Variants in ZNF451 observed in about 807,000 individuals in gnomAD.
ZNF451 encodes zinc finger protein 451, also known as E3 SUMO-protein ligase ZNF451.
In ZNF451, 80 loss-of-function variants were observed where a neutral mutation model predicts 107.1. The observed-to-expected ratio is 0.75, with a 90% CI of 0.62 to 0.90. The LOEUF (loss-of-function observed/expected upper bound fraction) is 0.90. Ranked by LOEUF, ZNF451 falls within the 40% of genes least tolerant of loss-of-function variation. The probability of loss-of-function intolerance (pLI) is 0.00; values close to 1 mark genes in which losing one functional copy is unlikely to be tolerated. For synonymous variants in ZNF451, 362 were observed against 406.5 expected, an observed-to-expected ratio of 0.89 and a Z score of 1.32; for missense variants, 1,107 against 1,236.2, an observed-to-expected ratio of 0.90 and a Z score of 1.57.
intron 2 of ZNF451, among the ~76,000 whole-genome samples, chr6:57,097,945 T>A (rs949604704): frequency 2.7e-5 from 4 of 148,412 alleles, no homozygotes; most frequent in African/African-American, 9.8e-5. Flanking sequence ...ATCTTTTAAA[T>A]TTATTTTTAT....
intron 13 of ZNF451, chr6:57,154,409 G>T: frequency 2.5e-6 from 1 of 397,216 alleles, no homozygotes; most frequent in Non-Finnish European, 4.5e-6. Flanking sequence ...TTTTTAGAAA[G>T]CAGTGCGCTT....
chr6:57,154,432 C>A, intron 13 of ZNF451: 1 of 318,266 alleles, frequency 3.1e-6, no homozygotes, highest in Non-Finnish European at 5.7e-6. Flanking sequence ...AGGTGAAAAC[C>A]AGAAAGCAAT....
intron 14 of ZNF451, among the ~76,000 whole-genome samples, chr6:57,166,712 C>T (rs916626057): frequency 6.6e-6 from 1 of 152,120 alleles, no homozygotes; most frequent in Non-Finnish European, 1.5e-5. Flanking sequence ...GTGTTATGTA[C>T]TGTACATAAT....
rs780286444 is a variant in ZNF451, at chr6:57,133,696, GT to G, written c.575+511del. Among the ~76,000 whole-genome samples the G allele has an allele frequency of 2.6e-5, 4 of 152,096 alleles. No homozygotes were observed. In the East Asian group the frequency reaches 7.7e-4, roughly 29 times the overall value. ...TTTTTGTTTGTTTGTTTGTTTGTTT[GT>G]TTTTTTGAGACAGGATCTCACTCTG... is the stretch of plus-strand genomic sequence containing the variant. On this transcript the variant is annotated intron_variant, in intron 6 of 14. Coordinates refer to ENST00000370706, the MANE Select transcript of ZNF451 (RefSeq NM_001031623.3).
At chr6:57,090,678 T>C (rs1388056944) in intron 1 of ZNF451, 133 bp from the exon 2 acceptor site, 1 of 85,674 alleles carries the variant, frequency 1.2e-5, no homozygotes, top group Non-Finnish European at 1.9e-5. Context: ...CCGTTCCTAG[T>C]CGGGTTTCCG....
chr6:57,161,480 G>A (rs1763671540), intron 14 of ZNF451, among the ~76,000 whole-genome samples: 1 of 151,868 alleles, frequency 6.6e-6, no homozygotes, highest in South Asian at 2.1e-4. Context: ...AGACAGTAGA[G>A]CCCCTCCACC....
At chr6:57,161,363 C>T (rs554954152) in intron 14 of ZNF451, among the ~76,000 whole-genome samples, 2 of 152,104 alleles carry the variant, frequency 1.3e-5, no homozygotes, top group South Asian at 2.1e-4. Flanking sequence ...AATTATGGCC[C>T]TTGGGTCAAA....
chr6:57,141,687 AT>A (rs1831771402), intron 8 of ZNF451, among the ~76,000 whole-genome samples: 1 of 152,208 alleles, frequency 6.6e-6, no homozygotes, highest in Non-Finnish European at 1.5e-5. Context: ...GCAAATATTT[AT>A]TCAGGATAAT....
intron 7 of ZNF451, 45 bp from the exon 8 acceptor site, chr6:57,141,257 T>G: frequency 6.9e-7 from 1 of 1,439,118 alleles, no homozygotes; most frequent in Non-Finnish European, 9.3e-7. Flanking sequence ...AGAACTTGAG[T>G]GTTTATTTTA....
Position 57,106,007 on chromosome 6 carries a change from G to A in ZNF451, c.186+6866G>A, listed in dbSNP as rs760038985. On this transcript the variant is annotated intron_variant, in intron 3 of 14. Transcript: ENST00000370706. ...TAAACTCTTTCAGGCTACTTGGACAGTATTTAGTATTCTATATTAGTACTA... is the reference window on the plus strand; with the variant it reads ...TAAACTCTTTCAGGCTACTTGGACAATATTTAGTATTCTATATTAGTACTA... 80 of 981,702 alleles carry A rather than the reference G, an allele frequency of 8.1e-5. 1 individual carries two copies. The highest frequency in any genetic ancestry group is 1.9e-5 in the Non-Finnish European group (16 of 826,808). 60.8% of individuals were successfully genotyped at this position (981,702 alleles called of 1,614,324 possible).
intron 3 of ZNF451, among the ~76,000 whole-genome samples, chr6:57,112,259 A>G (rs892101256): frequency 6.6e-6 from 1 of 152,212 alleles, no homozygotes; most frequent in African/African-American, 2.4e-5. Flanking sequence ...GGCAATAATA[A>G]GCGGACTTTG....
intron 4 of ZNF451, among the ~76,000 whole-genome samples, chr6:57,128,257 A>G (rs1831023654): frequency 6.6e-6 from 1 of 152,176 alleles, no homozygotes; most frequent in Admixed American, 6.6e-5. Context: ...AATCCTTTAC[A>G]TAGAAATTCC....
At chr6:57,151,035 G>C in intron 11 of ZNF451, 173 bp downstream of exon 11, 5 of 749,626 alleles carry the variant, frequency 6.7e-6, no homozygotes, top group South Asian at 2.2e-5. Flanking sequence ...TGCCTCTGTG[G>C]TAAATGTTAG....
chr6:57,164,494 A>G lies in ZNF451; in HGVS notation c.3139+3342A>G, dbSNP rs75435141. On this transcript the variant is annotated intron_variant, in intron 14 of 14. Transcript: ENST00000370706. ...TGTTAACTAGAGGTATTCTGACTCA[A>G]ATTGCTGGAAGAGACAGAGGACAGC... Among the ~76,000 whole-genome samples the G allele has an allele frequency of 3.0e-4, 46 of 152,276 alleles. 1 individual carries two copies. In the East Asian group the frequency reaches 8.9e-3, roughly 29 times the overall value.
At chr6:57,155,198 A>G (rs1763353145) in intron 13 of ZNF451, among the ~76,000 whole-genome samples, 1 of 152,088 alleles carries the variant, frequency 6.6e-6, no homozygotes, top group South Asian at 2.1e-4. Flanking sequence ...AAAAACAAAA[A>G]AAACAGGCTG....
At position 57,148,138 on chromosome 6, in the gene ZNF451, C is replaced by T. The variant is rs1488026674; in HGVS notation, c.2053C>T (p.His685Tyr). The T allele has an allele frequency of 1.2e-6, 2 of 1,613,958 alleles. No individual in the cohort carries two copies. The highest frequency in any genetic ancestry group is 2.7e-5 in the African/African-American group (2 of 75,022). The part of the protein sequence containing the change: ...IFNVEEAFLS[H>Y]YEEHHSIDYV... ...TAATGTGGAAGAAGCATTTCTGAGT[C>T]ATTATGAGGAGCACCACAGCATAGA... Residue 685 changes from histidine to tyrosine, a missense_variant, in exon 10 of 15, where the codon CAT becomes TAT. His to Tyr is a moderately conservative substitution (Grantham distance 83). Around this residue, in one of 5 missense-constraint regions of ZNF451, gnomAD observed 608 missense variants for 649.2 expected, o/e 0.94. Coordinates refer to ENST00000370706, the MANE Select transcript of ZNF451 (RefSeq NM_001031623.3).
At chr6:57,093,404 A>C (rs1289358696) in intron 2 of ZNF451, among the ~76,000 whole-genome samples, 1 of 152,228 alleles carries the variant, frequency 6.6e-6, no homozygotes, top group Non-Finnish European at 1.5e-5. Flanking sequence ...GGCAGAAAAT[A>C]GTATTATTTG....
At chr6:57,095,578 C>T (rs1471784966) in intron 2 of ZNF451, among the ~76,000 whole-genome samples, 2 of 151,874 alleles carry the variant, frequency 1.3e-5, no homozygotes, top group African/African-American at 2.4e-5. Flanking sequence ...AGTGATCCTC[C>T]GTCATCGGCC....
intron 4 of ZNF451, among the ~76,000 whole-genome samples, chr6:57,125,672 G>T (rs1214169722): frequency 6.6e-6 from 1 of 152,112 alleles, no homozygotes; most frequent in East Asian, 1.9e-4. Context: ...TTATTCCATT[G>T]GTTATTATAA....
Sources: allele counts gnomAD v4.1 joint callset (sites outside exome capture counted in the v4.1 genomes callset), GRCh38; gene constraint gnomAD v4.1.1; regional missense constraint gnomAD v4.1.1; transcripts MANE v1.5; gene names NCBI Gene and HGNC (gene_info 2026-07-23, HGNC 2026-07-21).